ROBO1: variants seen among roughly 807,000 people sequenced by gnomAD.
The protein encoded by ROBO1 is roundabout homolog 1.
In ROBO1, 149 loss-of-function variants were observed where a neutral mutation model predicts 195.9. That is an observed-to-expected ratio of 0.76 (90% CI 0.67 to 0.87). The LOEUF (loss-of-function observed/expected upper bound fraction) is 0.87. Ranked by LOEUF, ROBO1 falls within the 40% of genes least tolerant of loss-of-function variation. ROBO1 has a pLI of 0.00. For missense variants in ROBO1, 1,933 were observed against 2,068.3 expected, an observed-to-expected ratio of 0.93 and a Z score of 1.27; for synonymous variants, 816 against 733.2, an observed-to-expected ratio of 1.11 and a Z score of -1.82.
chr3:78,732,080 G>A (rs1275448198), intron 5 of ROBO1, among the ~76,000 whole-genome samples: 1 of 152,100 alleles, frequency 6.6e-6, no homozygotes, highest in Non-Finnish European at 1.5e-5. Context: ...GGCTCTGAGA[G>A]TATCAAAACT....
At chr3:78,802,229 AC>A (rs1354634058) in intron 4 of ROBO1, among the ~76,000 whole-genome samples, 2 of 152,300 alleles carry the variant, frequency 1.3e-5, no homozygotes, top group East Asian at 1.9e-4. Flanking sequence ...CTAATTTTCT[AC>A]AAAAGCATGC....
chr3:79,699,150 C>T (rs1947535862), intron 1 of ROBO1, among the ~76,000 whole-genome samples: 1 of 150,646 alleles, frequency 6.6e-6, no homozygotes, highest in Non-Finnish European at 1.5e-5. Context: ...AAAATAAAAA[C>T]AGTACGTTTG....
intron 1 of ROBO1, among the ~76,000 whole-genome samples, chr3:79,765,826 C>A (rs548459482): frequency 7.9e-5 from 12 of 152,150 alleles, no homozygotes; most frequent in Admixed American, 5.2e-4. Flanking sequence ...TAGGGTCCTG[C>A]ATCTACGCTC....
chr3:78,831,544 G>A (rs2032209456), intron 4 of ROBO1, among the ~76,000 whole-genome samples: 1 of 152,116 alleles, frequency 6.6e-6, no homozygotes, highest in South Asian at 2.1e-4. Context: ...GTTGTGCACA[G>A]TACAGAGGAG....
intron 2 of ROBO1, among the ~76,000 whole-genome samples, chr3:79,165,976 G>A (rs2081055877): frequency 6.6e-6 from 1 of 152,330 alleles, no homozygotes; most frequent in Non-Finnish European, 1.5e-5. Context: ...AATTCCACCT[G>A]TGGAGAGCAA....
At chr3:79,336,331 G>A (rs950529511) in intron 2 of ROBO1, among the ~76,000 whole-genome samples, 2 of 152,194 alleles carry the variant, frequency 1.3e-5, no homozygotes, top group Non-Finnish European at 2.9e-5. Flanking sequence ...TGTGGTCTGG[G>A]CCTAGGGCCT....
At chr3:79,331,985 T>C (rs1191231804) in intron 2 of ROBO1, among the ~76,000 whole-genome samples, 3 of 151,394 alleles carry the variant, frequency 2.0e-5, no homozygotes, top group Non-Finnish European at 4.4e-5. Context: ...TACTAAAAAA[T>C]ACAAAAAATT....
intron 2 of ROBO1, among the ~76,000 whole-genome samples, chr3:79,398,624 T>C (rs1045696887): frequency 2.6e-5 from 4 of 152,160 alleles, no homozygotes; most frequent in Non-Finnish European, 5.9e-5. Flanking sequence ...CCTACATGAA[T>C]TCTCAGTGGG....
chr3:78,855,881 AT>A (rs11351139), intron 4 of ROBO1, among the ~76,000 whole-genome samples: 44,792 of 151,606 alleles, frequency 0.3, 6,745 homozygotes, highest in Non-Finnish European at 0.33. Context: ...TTTGGAGAAT[AT>A]TTTTTTTTCC....
chr3:78,726,187 T>C (rs745645255), intron 5 of ROBO1, among the ~76,000 whole-genome samples: 3 of 152,144 alleles, frequency 2.0e-5, no homozygotes, highest in Non-Finnish European at 2.9e-5. Context: ...CTTTAATATA[T>C]TTTACATGCA....
intron 4 of ROBO1, among the ~76,000 whole-genome samples, chr3:78,858,200 C>T (rs1196272237): frequency 1.1e-4 from 17 of 152,016 alleles, no homozygotes; most frequent in Admixed American, 1.1e-3. Context: ...CAGGAACAAC[C>T]GGGGACAGTC....
chr3:78,959,211 G>C (rs572160632), intron 3 of ROBO1, among the ~76,000 whole-genome samples: 1 of 152,162 alleles, frequency 6.6e-6, no homozygotes, highest in South Asian at 2.1e-4. Flanking sequence ...ATTGTCCTAT[G>C]ATATAAACTG....
At chr3:79,146,706 C>T (rs2080660657) in intron 2 of ROBO1, among the ~76,000 whole-genome samples, 1 of 151,600 alleles carries the variant, frequency 6.6e-6, no homozygotes, top group Non-Finnish European at 1.5e-5. Flanking sequence ...CTTTATAGAA[C>T]TAAAATCAAA....
At chr3:79,617,409 T>A (rs1056728980) in intron 1 of ROBO1, among the ~76,000 whole-genome samples, 1 of 152,138 alleles carries the variant, frequency 6.6e-6, no homozygotes, top group South Asian at 2.1e-4. Context: ...ATATGCCCAA[T>A]ACATTGTTGC....
chr3:78,679,910 C>T (rs2080850014), intron 10 of ROBO1, among the ~76,000 whole-genome samples: 2 of 152,028 alleles, frequency 1.3e-5, no homozygotes, highest in South Asian at 2.1e-4. Flanking sequence ...CTGGAGGCAT[C>T]ACGCTACCTG....
chr3:79,589,014 C>A (rs1469988903), intron 2 of ROBO1, among the ~76,000 whole-genome samples: 1 of 151,526 alleles, frequency 6.6e-6, no homozygotes, highest in African/African-American at 2.4e-5. Context: ...ATAACCATAA[C>A]ATAAATACAG....
chr3:78,744,839 A>G (rs999030957), intron 5 of ROBO1, among the ~76,000 whole-genome samples: 2 of 152,068 alleles, frequency 1.3e-5, no homozygotes, highest in African/African-American at 4.8e-5. Flanking sequence ...TGTATGTTAC[A>G]CTTATTTATT....
chr3:79,758,644 A>G (rs1452402619), intron 1 of ROBO1, among the ~76,000 whole-genome samples: 2 of 152,216 alleles, frequency 1.3e-5, no homozygotes, highest in African/African-American at 4.8e-5. Context: ...AGAAAAGAAG[A>G]AAGGTATTTT....
intron 1 of ROBO1, among the ~76,000 whole-genome samples, chr3:79,635,208 T>C (rs1560057520): frequency 6.6e-6 from 1 of 152,172 alleles, no homozygotes; most frequent in Non-Finnish European, 1.5e-5. Flanking sequence ...ACTTGTGAAT[T>C]TGGCCTCTAG....
Sources: allele counts gnomAD v4.1 joint callset (sites outside exome capture counted in the v4.1 genomes callset), GRCh38; gene constraint gnomAD v4.1.1; transcripts MANE v1.5; gene names NCBI Gene and HGNC (gene_info 2026-07-23, HGNC 2026-07-21).